Variants in CHD4 observed in about 807,000 individuals in gnomAD.
The protein encoded by CHD4 is chromodomain helicase DNA binding protein 4, also known as ATP-dependent chromatin remodeler CHD4.
A neutral mutation model predicts 235.5 loss-of-function variants in CHD4; 35 were observed. The observed-to-expected ratio is 0.15, with a 90% CI of 0.11 to 0.20. The LOEUF is 0.20. CHD4 is among the 10% of genes least tolerant of loss of function. CHD4 has a pLI of 1.00. For missense variants in CHD4, 1,329 were observed against 2,432.3 expected, an observed-to-expected ratio of 0.55 and a Z score of 9.54; for synonymous variants, 900 against 850.2, an observed-to-expected ratio of 1.06 and a Z score of -1.02.
intron 34 of CHD4, 122 bp from the exon 35 acceptor site, chr12:6,578,668 C>T: frequency 5.4e-6 from 8 of 1,486,166 alleles, no homozygotes; most frequent in Middle Eastern, 1.7e-4. Flanking sequence ...CTGGGTGTCT[C>T]TCAGACCCAG....
At chr12:6,572,324 G>A (rs1165405371) in intron 38 of CHD4, among the ~76,000 whole-genome samples, 3 of 151,676 alleles carry the variant, frequency 2.0e-5, no homozygotes, top group Admixed American at 1.3e-4. Context: ...TACTCGGGAG[G>A]CTGAGGCAGG....
At chr12:6,600,770 G>A (rs1054822784) in intron 7 of CHD4, 101 bp from the exon 8 acceptor site, 12 of 1,536,180 alleles carry the variant, frequency 7.8e-6, no homozygotes, top group Non-Finnish European at 1.1e-5. Flanking sequence ...CAGAATCCCA[G>A]CAAGCACCGT....
At chr12:6,589,054 G>C (rs1206491556) in intron 22 of CHD4, among the ~76,000 whole-genome samples, 4 of 151,962 alleles carry the variant, frequency 2.6e-5, no homozygotes, top group Admixed American at 1.3e-4. Context: ...TCGAGACTAA[G>C]CTGGCCAACG....
intron 2 of CHD4, 34 bp from the exon 3 acceptor site, chr12:6,602,531 A>G: frequency 6.2e-7 from 1 of 1,606,216 alleles, no homozygotes; most frequent in Non-Finnish European, 8.5e-7. Context: ...GTAGGCAGGG[A>G]AAAGATCAAT....
Position 6,600,375 on chromosome 12 carries a change from C to T in CHD4, c.1084G>A (p.Val362Met), listed in dbSNP as rs746112629. 20 of 1,613,998 alleles carry T rather than the reference C, an allele frequency of 1.2e-5. No homozygotes were observed. The East Asian group carries it at 1.8e-4, about 14-fold the overall frequency. Residue 362 changes from valine (V) to methionine (M), a missense_variant, in exon 9 of 40, where the codon GTG becomes ATG. By Grantham distance (21) the Val-to-Met change is conservative. This residue lies in a region of CHD4 where 160 missense variants were observed against 196.6 expected (regional missense o/e 0.81). Transcript: ENST00000544040. ...KKKGEEEVTA[V>M]DGYETDHQDY... ...TGGTGGTCTGTCTCATAACCATCCA[C>T]AGCAGTCACCTCCTCCTCGCCTGGG... is the stretch of plus-strand genomic sequence containing the variant.
Position 6,597,970 on chromosome 12 carries a change from C to T in CHD4, c.1816G>A (p.Ala606Thr). 1 of 1,614,216 alleles carries T rather than the reference C, an allele frequency of 6.2e-7. No individual in the cohort carries two copies. Among genetic ancestry groups the T allele is most frequent in the South Asian group, 1.1e-5 (1 of 91,078 alleles). Residue 606 changes from alanine (A) to threonine (T), a missense_variant, in exon 12 of 40, where the codon GCA becomes ACA. This residue lies in a region of CHD4 where 121 missense variants were observed against 177.8 expected (regional missense o/e 0.68). Coordinates refer to ENST00000544040, the MANE Select transcript of CHD4 (RefSeq NM_001273.5). ...RKRKNKDPKF[A>T]EMEERFYRYG... Reference sequence around the variant, plus strand: ...CGATAGAAGCGTTCCTCCATCTCTGCAAATTTAGGGTCCTTGTTCTTTCGC... The same window carrying T: ...CGATAGAAGCGTTCCTCCATCTCTGTAAATTTAGGGTCCTTGTTCTTTCGC...
At chr12:6,603,699 G>C (rs573691154) in intron 2 of CHD4, among the ~76,000 whole-genome samples, 2 of 152,158 alleles carry the variant, frequency 1.3e-5, no homozygotes, top group Admixed American at 6.5e-5. Flanking sequence ...CAAGGAAAGC[G>C]AGACAAACAT....
chr12:6,577,720 G>A (rs965034002), intron 37 of CHD4, 65 bp downstream of exon 37: 1 of 1,596,188 alleles, frequency 6.3e-7, no homozygotes, highest in African/African-American at 1.3e-5. Flanking sequence ...GACTCCCTCT[G>A]CTGCAGGACG....
chr12:6,579,176 G>A (rs551906452), intron 33 of CHD4: 1 of 286,300 alleles, frequency 3.5e-6, no homozygotes, highest in Admixed American at 4.7e-5. Context: ...TTAGCTGGGT[G>A]CGGTGGCTCA....
Position 6,587,758 on chromosome 12 carries a change from G to A in CHD4, c.3657C>T (p.Leu1219=). The change falls in exon 24 of 40, where the codon CTC becomes CTT. Residue 1219 remains leucine, a synonymous_variant. Coordinates refer to ENST00000544040, the MANE Select transcript of CHD4 (RefSeq NM_001273.5). ...SMSKQELDDI[L]KFGTEELFKD... ...TGAATAGTTCCTCAGTGCCAAATTT[G>A]AGGATATCATCAAGCTCCTGTTTGG... 6.2e-7 allele frequency: 1 copy of A among 1,614,168 alleles called. No individual in the cohort carries two copies. The highest frequency in any genetic ancestry group is 8.5e-7 in the Non-Finnish European group (1 of 1,180,040).
At chr12:6,604,787 G>A (rs959870620) in intron 2 of CHD4, among the ~76,000 whole-genome samples, 2 of 152,206 alleles carry the variant, frequency 1.3e-5, no homozygotes, top group African/African-American at 4.8e-5. Context: ...GAAAAAGTGG[G>A]TCATGCTACA....
intron 29 of CHD4, 147 bp from the exon 30 acceptor site, chr12:6,582,428 A>G (rs1948211488): frequency 2.3e-6 from 3 of 1,304,692 alleles, no homozygotes; most frequent in Middle Eastern, 2.6e-4. Context: ...GCTGATCTCT[A>G]GACCCCACAA....
In CHD4 at chr12:6,578,106, C is replaced by T. The variant is rs1026583607; in HGVS notation, c.5151G>A (p.Arg1717=). 1.9e-6 allele frequency: 3 copies of T among 1,613,052 alleles called. No homozygotes were observed. Among genetic ancestry groups the T allele is most frequent in the Non-Finnish European group, 2.5e-6 (3 of 1,180,026 alleles). Residue 1717 remains arginine (R), a synonymous_variant, in exon 36 of 40, where the codon CGG becomes CGA. Coordinates refer to ENST00000544040, the MANE Select transcript of CHD4 (RefSeq NM_001273.5). ...ELHSLWQNEE[R]AATVTKKTYE... ...AAGTCTTCTTGGTAACTGTGGCTGCCCGCTCTTCATTCTGCCAAAGGGAGT... is the reference window on the plus strand; with the variant it reads ...AAGTCTTCTTGGTAACTGTGGCTGCTCGCTCTTCATTCTGCCAAAGGGAGT...
At chr12:6,596,892 G>C (rs1021261925) in intron 12 of CHD4, among the ~76,000 whole-genome samples, 10 of 151,344 alleles carry the variant, frequency 6.6e-5, no homozygotes, top group Non-Finnish European at 1.2e-4. Context: ...CTGAGAGGCG[G>C]AGGTTGCAGT....
Position 6,575,678 on chromosome 12 carries a change from G to C in CHD4, c.5361+2107C>G, listed in dbSNP as rs1044519209. On this transcript the variant is annotated intron_variant, in intron 37 of 39. Coordinates refer to ENST00000544040, the MANE Select transcript of CHD4 (RefSeq NM_001273.5). The stretch of plus-strand genomic sequence containing the variant: ...TATGAATGCTGTTTCCATTTCCCTT[G>C]GTCCTATCAAAACTCTGCTCACAAA... Among the ~76,000 whole-genome samples the C allele has an allele frequency of 2.0e-5, 3 of 151,752 alleles. No homozygotes were observed. In the East Asian group the frequency reaches 5.8e-4, roughly 29 times the overall value.
intron 33 of CHD4, chr12:6,580,629 C>G (rs1402319047): frequency 1.8e-5 from 3 of 167,408 alleles, no homozygotes; most frequent in Non-Finnish European, 3.7e-5. Context: ...ATCGCTTGAA[C>G]TCAGGAGGCG....
rs376178091 is a variant in CHD4, at chr12:6,591,542, A to G, written c.3264T>C (p.His1088=). 8.7e-6 allele frequency: 14 copies of G among 1,614,222 alleles called. No individual in the cohort carries two copies. The highest frequency in any genetic ancestry group is 2.2e-5 in the East Asian group (1 of 44,890). The part of the protein sequence containing the change: ...MLDLLEDFLE[H]EGYKYERIDG... ...CGATGCGTTCGTATTTATAACCTTC[A>G]TGTTCCAAGAAATCCTCTAGCAGGT... is the stretch of plus-strand genomic sequence containing the variant. The change falls in exon 22 of 40, where the codon CAT becomes CAC. Residue 1088 remains histidine, a synonymous_variant. Coordinates refer to ENST00000544040, the MANE Select transcript of CHD4 (RefSeq NM_001273.5).
intron 6 of CHD4, 53 bp from the exon 7 acceptor site, chr12:6,601,106 T>A: frequency 6.6e-7 from 1 of 1,524,852 alleles, no homozygotes; most frequent in East Asian, 2.3e-5. Flanking sequence ...ATGGGGAAAA[T>A]AAAATCTTCT....
intron 30 of CHD4, 74 bp from the exon 31 acceptor site, chr12:6,581,888 C>A: frequency 6.8e-7 from 1 of 1,465,444 alleles, no homozygotes; most frequent in Non-Finnish European, 9.1e-7. Context: ...TTCCAGTCTC[C>A]GCCTCCCGGG....
Sources: allele counts gnomAD v4.1 joint callset (sites outside exome capture counted in the v4.1 genomes callset), GRCh38; gene constraint gnomAD v4.1.1; regional missense constraint gnomAD v4.1.1; transcripts MANE v1.5; gene names NCBI Gene and HGNC (gene_info 2026-07-23, HGNC 2026-07-21).